GALC: variants seen among roughly 807,000 people sequenced by gnomAD.
GALC encodes galactocerebrosidase.
A neutral mutation model predicts 91.8 loss-of-function variants in GALC; 77 were observed. The observed-to-expected ratio is 0.84, with a 90% CI of 0.70 to 1.01. GALC has a LOEUF of 1.01. GALC is among the 50% of genes least tolerant of loss of function. The probability of loss-of-function intolerance (pLI) is 0.00; values close to 1 mark genes in which losing one functional copy is unlikely to be tolerated. For missense variants in GALC, 882 were observed against 855.9 expected (o/e 1.03, Z -0.38); for synonymous variants, 357 against 306.7 (o/e 1.16, Z -1.71).
At chr14:87,953,460 C>G (rs1340581241) in intron 10 of GALC, 3 of 1,561,580 alleles carry the variant, frequency 1.9e-6, no homozygotes, top group African/African-American at 2.7e-5. Context: ...CAGAAAATAG[C>G]CACATTCACA....
rs555408540 is a variant in GALC, at chr14:87,960,101, G to T, written c.1161+3283C>A. Among the ~76,000 whole-genome samples the T allele has an allele frequency of 6.6e-5, 10 of 152,288 alleles. No homozygotes were observed. The East Asian group carries it at 1.4e-3, about 21-fold the overall frequency. Reference sequence around the variant, plus strand: ...AAGAAGAGTTGATATCACAGATGCAGAAAGTAGAACAGTGGTTACCAGACA... The same window carrying T: ...AAGAAGAGTTGATATCACAGATGCATAAAGTAGAACAGTGGTTACCAGACA... On this transcript the variant is annotated intron_variant, in intron 10 of 16. Coordinates refer to ENST00000261304, the MANE Select transcript of GALC (RefSeq NM_000153.4).
chr14:87,954,536 T>A (rs1283223609), intron 10 of GALC: 2 of 1,557,850 alleles, frequency 1.3e-6, no homozygotes, highest in Non-Finnish European at 1.7e-6. Context: ...TTGGTCATCC[T>A]GTGAGTGCTT....
intron 1 of GALC, among the ~76,000 whole-genome samples, chr14:87,991,442 T>C (rs1264175313): frequency 2.0e-5 from 3 of 152,196 alleles, no homozygotes; most frequent in African/African-American, 7.2e-5. Flanking sequence ...GACCTCGTGA[T>C]CCGCCCGCCT....
At chr14:87,985,370 C>T (rs1886925514) in intron 4 of GALC, among the ~76,000 whole-genome samples, 1 of 152,162 alleles carries the variant, frequency 6.6e-6, no homozygotes, top group Non-Finnish European at 1.5e-5. Context: ...AGAAATGTGA[C>T]ATTAAAGTAA....
intron 14 of GALC, among the ~76,000 whole-genome samples, chr14:87,942,504 G>A (rs564075302): frequency 2.0e-5 from 3 of 151,998 alleles, no homozygotes; most frequent in African/African-American, 7.2e-5. Flanking sequence ...AAACCAACAT[G>A]ATCTCTGAAA....
intron 16 of GALC, among the ~76,000 whole-genome samples, chr14:87,936,612 C>T (rs376230246): frequency 6.6e-5 from 10 of 151,920 alleles, no homozygotes; most frequent in Middle Eastern, 3.4e-3. Flanking sequence ...TTGTCTGTTT[C>T]GTTCGCTGCT....
intron 9 of GALC, among the ~76,000 whole-genome samples, chr14:87,963,927 T>C (rs1885918394): frequency 6.6e-6 from 1 of 152,150 alleles, no homozygotes; most frequent in Non-Finnish European, 1.5e-5. Context: ...CACATGTACA[T>C]TTATTGGTCA....
At chr14:87,942,789 T>A (rs560473572) in intron 14 of GALC, among the ~76,000 whole-genome samples, 18 of 152,136 alleles carry the variant, frequency 1.2e-4, no homozygotes, top group Admixed American at 1.1e-3. Flanking sequence ...AATCCACACT[T>A]AATTATCTAA....
intron 6 of GALC, chr14:87,981,279 G>T (rs887696864): frequency 4.0e-5 from 5 of 125,594 alleles, no homozygotes; most frequent in African/African-American, 1.6e-4. Context: ...GCATAAGAAT[G>T]ATACAATGGA....
chr14:87,936,105 G>A (rs1295168142), intron 16 of GALC, among the ~76,000 whole-genome samples: 1 of 151,954 alleles, frequency 6.6e-6, no homozygotes, highest in Non-Finnish European at 1.5e-5. Flanking sequence ...CCTCCAGGCT[G>A]CTCTTCACAC....
At chr14:87,977,129 G>A (rs532509395) in intron 6 of GALC, among the ~76,000 whole-genome samples, 1 of 151,288 alleles carries the variant, frequency 6.6e-6, no homozygotes, top group Non-Finnish European at 1.5e-5. Flanking sequence ...CTCCTATGCA[G>A]ACACAATAAT....
intron 6 of GALC, among the ~76,000 whole-genome samples, chr14:87,979,128 A>G (rs111717223): frequency 0.11 from 17,164 of 151,958 alleles, 1,134 homozygotes; most frequent in Non-Finnish European, 0.16. Flanking sequence ...AGGTTCAAGC[A>G]ATTTTTCTGC....
chr14:87,992,019 G>T (rs1328268826), intron 1 of GALC, among the ~76,000 whole-genome samples: 1 of 152,162 alleles, frequency 6.6e-6, no homozygotes, highest in Non-Finnish European at 1.5e-5. Context: ...ACATCAGCAC[G>T]GCTGGAGAGA....
At chr14:87,972,158 A>G (rs914255005) in intron 7 of GALC, among the ~76,000 whole-genome samples, 20 of 152,204 alleles carry the variant, frequency 1.3e-4, no homozygotes, top group African/African-American at 2.2e-4. Flanking sequence ...TAATACACAG[A>G]TAAGTTGTGG....
intron 10 of GALC, among the ~76,000 whole-genome samples, chr14:87,963,000 G>A (rs3906821): frequency 0.11 from 17,189 of 151,884 alleles, 1,142 homozygotes; most frequent in Non-Finnish European, 0.16. Context: ...TTTTAAGCTC[G>A]TTGCTCTCAA....
In GALC at chr14:87,972,078, C is replaced by T. The variant is rs565407671; in HGVS notation, c.753-3588G>A. On this transcript the variant is annotated intron_variant, in intron 7 of 16. Coordinates refer to ENST00000261304, the MANE Select transcript of GALC (RefSeq NM_000153.4). ...AATAGTCTTCCTATGAAGATGTGAG[C>T]CAAGAAATATCTCCTGAACAAAATT... Among the ~76,000 whole-genome samples, 11 of 152,080 alleles carry T rather than the reference C, an allele frequency of 7.2e-5. No individual in the cohort carries two copies. The South Asian group carries it at 2.1e-3, about 29-fold the overall frequency.
intron 10 of GALC, among the ~76,000 whole-genome samples, chr14:87,951,915 T>C (rs1885324605): frequency 1.3e-5 from 2 of 151,802 alleles, no homozygotes; most frequent in Non-Finnish European, 2.9e-5. Context: ...TGTCTTGAGA[T>C]ACTAGAAAAA....
intron 16 of GALC, among the ~76,000 whole-genome samples, chr14:87,937,349 T>G (rs1176816045): frequency 6.6e-6 from 1 of 151,918 alleles, no homozygotes; most frequent in Non-Finnish European, 1.5e-5. Flanking sequence ...AAGTAGCATG[T>G]AAAAATTAAG....
intron 7 of GALC, 43 bp from the exon 8 acceptor site, chr14:87,968,533 C>T (rs760769523): frequency 2.6e-5 from 41 of 1,584,900 alleles, no homozygotes; most frequent in African/African-American, 6.7e-5. Context: ...AAGGTCACGA[C>T]GTGGCACTTA....
Sources: gnomAD v4.1 joint callset for allele counts (sites outside exome capture counted in the v4.1 genomes callset) on GRCh38, gnomAD v4.1.1 for gene constraint, MANE v1.5 for transcripts, NCBI Gene and HGNC (gene_info 2026-07-23, HGNC 2026-07-21) for gene names.